LRRC4C: variants seen among roughly 807,000 people sequenced by gnomAD.
LRRC4C encodes leucine rich repeat containing 4C.
LRRC4C carries 5 observed loss-of-function variants against 33.6 expected under a neutral mutation model. The observed-to-expected ratio is 0.15, with a 90% CI of 0.08 to 0.31. The LOEUF is 0.31. Ranked by LOEUF, LRRC4C falls within the 10% of genes least tolerant of loss-of-function variation. LRRC4C has a pLI of 1.00. For synonymous variants in LRRC4C, 329 were observed against 302.0 expected, an observed-to-expected ratio of 1.09 and a Z score of -0.93; for missense variants, 560 against 796.7, an observed-to-expected ratio of 0.70 and a Z score of 3.58.
intron 4 of LRRC4C, among the ~76,000 whole-genome samples, chr11:40,284,139 A>G (rs1565228429): frequency 6.6e-6 from 1 of 152,192 alleles, no homozygotes; most frequent in Non-Finnish European, 1.5e-5. Flanking sequence ...GGCTTAGGGG[A>G]GCTGGGAAAG....
intron 1 of LRRC4C, among the ~76,000 whole-genome samples, chr11:41,197,507 CAG>C (rs2136241216): frequency 6.6e-6 from 1 of 152,098 alleles, no homozygotes; most frequent in Admixed American, 6.6e-5. Flanking sequence ...AATTATTCCC[CAG>C]AGATACTCAA....
chr11:40,918,869 TC>T (rs1323993716), intron 2 of LRRC4C, among the ~76,000 whole-genome samples: 1 of 152,154 alleles, frequency 6.6e-6, no homozygotes, highest in Non-Finnish European at 1.5e-5. Context: ...TTATATTCTT[TC>T]TGGGTACTTA....
chr11:40,210,415 G>A (rs1426321251), intron 5 of LRRC4C, among the ~76,000 whole-genome samples: 1 of 152,208 alleles, frequency 6.6e-6, no homozygotes, highest in Non-Finnish European at 1.5e-5. Context: ...TGGACCTAAT[G>A]AAGGGTCTCA....
At chr11:41,218,724 C>T (rs1049603324) in intron 1 of LRRC4C, among the ~76,000 whole-genome samples, 2 of 150,358 alleles carry the variant, frequency 1.3e-5, no homozygotes, top group African/African-American at 2.4e-5. Context: ...TTACTATTAC[C>T]CCAAATCATC....
chr11:40,748,465 A>C (rs1245442118), intron 2 of LRRC4C, among the ~76,000 whole-genome samples: 1 of 152,110 alleles, frequency 6.6e-6, no homozygotes, highest in Non-Finnish European at 1.5e-5. Context: ...ACTAGAAAGT[A>C]TAAAACTAAC....
intron 2 of LRRC4C, among the ~76,000 whole-genome samples, chr11:40,895,237 A>G (rs540131842): frequency 6.6e-6 from 1 of 152,134 alleles, no homozygotes; most frequent in Non-Finnish European, 1.5e-5. Context: ...TTTATGTTAG[A>G]TACCTGGTCA....
intron 3 of LRRC4C, among the ~76,000 whole-genome samples, chr11:40,606,059 G>T (rs1241178645): frequency 6.6e-6 from 1 of 152,286 alleles, no homozygotes; most frequent in South Asian, 2.1e-4. Flanking sequence ...GAACAAAACA[G>T]CTTGGTTGTC....
chr11:40,644,756 G>C (rs148948554), intron 3 of LRRC4C, among the ~76,000 whole-genome samples: 46 of 152,250 alleles, frequency 3.0e-4, no homozygotes, highest in African/African-American at 1.1e-3. Context: ...GTGTTTAAGG[G>C]GGAAGTTAGA....
At chr11:40,302,844 G>A (rs1174009778) in intron 4 of LRRC4C, among the ~76,000 whole-genome samples, 3 of 152,014 alleles carry the variant, frequency 2.0e-5, no homozygotes, top group African/African-American at 4.8e-5. Context: ...GCATGGAGTC[G>A]AGCCAAGAAC....
At chr11:40,252,705 A>G (rs1321032141) in intron 4 of LRRC4C, among the ~76,000 whole-genome samples, 1 of 152,198 alleles carries the variant, frequency 6.6e-6, no homozygotes, top group African/African-American at 2.4e-5. Flanking sequence ...TCTGACTTTT[A>G]TTATACAAAG....
At chr11:40,287,573 A>C (rs1188884683) in intron 4 of LRRC4C, among the ~76,000 whole-genome samples, 1 of 152,162 alleles carries the variant, frequency 6.6e-6, no homozygotes, top group African/African-American at 2.4e-5. Flanking sequence ...CCACAAGATC[A>C]GCCTAATTAA....
At chr11:40,682,919 C>T (rs780524108) in intron 2 of LRRC4C, among the ~76,000 whole-genome samples, 2 of 152,114 alleles carry the variant, frequency 1.3e-5, no homozygotes, top group African/African-American at 2.4e-5. Context: ...GGGTTACTTG[C>T]TGTTCCCCAC....
chr11:41,056,500 T>C (rs1858630858), intron 1 of LRRC4C, among the ~76,000 whole-genome samples: 1 of 152,092 alleles, frequency 6.6e-6, no homozygotes, highest in South Asian at 2.1e-4. Context: ...AGAGAAAATA[T>C]TTGCAAACTA....
chr11:41,022,239 T>C (rs1175411419), intron 1 of LRRC4C, among the ~76,000 whole-genome samples: 1 of 150,736 alleles, frequency 6.6e-6, no homozygotes, highest in East Asian at 1.9e-4. Flanking sequence ...GATCAGAACA[T>C]GTAGAAGGAA....
chr11:40,288,217 A>G (rs1468741177), intron 4 of LRRC4C, among the ~76,000 whole-genome samples: 3 of 152,206 alleles, frequency 2.0e-5, no homozygotes, highest in Non-Finnish European at 4.4e-5. Context: ...AAGATGCTAG[A>G]GTCCAAGTTT....
chr11:40,201,344 G>GTTTTGT (rs774283940), intron 5 of LRRC4C, among the ~76,000 whole-genome samples: 4 of 152,064 alleles, frequency 2.6e-5, no homozygotes, highest in African/African-American at 4.8e-5. Context: ...CTGGCTCACT[G>GTTTTGT]TTTTGTTTTT....
chr11:40,321,602 G>A (rs567560235), intron 3 of LRRC4C, among the ~76,000 whole-genome samples: 2 of 152,284 alleles, frequency 1.3e-5, no homozygotes, highest in South Asian at 4.1e-4. Flanking sequence ...TAATCCCCAA[G>A]CCTATACTTT....
chr11:40,782,930 G>A (rs1237042385), intron 2 of LRRC4C, among the ~76,000 whole-genome samples: 3 of 152,056 alleles, frequency 2.0e-5, no homozygotes, highest in Non-Finnish European at 2.9e-5. Flanking sequence ...GTGTGTATAT[G>A]TGTGTGTATT....
chr11:40,546,083 T>A (rs1256061925), intron 3 of LRRC4C, among the ~76,000 whole-genome samples: 1 of 58,432 alleles, frequency 1.7e-5, no homozygotes, highest in Non-Finnish European at 3.8e-5. Flanking sequence ...CCTTCCTTCC[T>A]ACCTTCCTTC....
Sources: allele counts gnomAD v4.1 joint callset (sites outside exome capture counted in the v4.1 genomes callset), GRCh38; gene constraint gnomAD v4.1.1; transcripts MANE v1.5; gene names NCBI Gene and HGNC (gene_info 2026-07-23, HGNC 2026-07-21).